Variants in PUM1 observed in about 807,000 individuals in gnomAD.
PUM1 encodes pumilio RNA binding family member 1.
PUM1 carries 13 observed loss-of-function variants against 131.8 expected under a neutral mutation model. The observed-to-expected ratio is 0.10, with a 90% confidence interval of 0.06 to 0.16. The LOEUF is 0.16. Among genes scored for constraint, PUM1 ranks in the 10% least tolerant of loss-of-function variants. The pLI is 1.00. For missense variants in PUM1, 961 were observed against 1,512.4 expected (o/e 0.64, Z 6.05); for synonymous variants, 509 against 556.5 (o/e 0.91, Z 1.20).
At chr1:30,941,404 C>T (rs1639434452) in intron 19 of PUM1, 132 bp from the exon 20 acceptor site, 1 of 896,920 alleles carries the variant, frequency 1.1e-6, no homozygotes, top group Non-Finnish European at 1.6e-6. Context: ...CTAATGAACA[C>T]ACAATTTTTA....
At chr1:30,984,691 T>C (rs1641479015) in intron 7 of PUM1, among the ~76,000 whole-genome samples, 1 of 152,160 alleles carries the variant, frequency 6.6e-6, no homozygotes, top group African/African-American at 2.4e-5. Context: ...CTTACTATAT[T>C]AAAAACAGTC....
chr1:31,012,329 T>C (rs1196353475), intron 3 of PUM1, among the ~76,000 whole-genome samples: 2 of 151,798 alleles, frequency 1.3e-5, no homozygotes, highest in Admixed American at 1.3e-4. Context: ...TAACAGTCCA[T>C]TTCAAGATCT....
At chr1:31,009,767 C>CAAAAAAAAAAAAAAAAAAAAAA (rs751375199) in intron 3 of PUM1, among the ~76,000 whole-genome samples, 1 of 54,678 alleles carries the variant, frequency 1.8e-5, no homozygotes, top group Non-Finnish European at 3.7e-5. Flanking sequence ...GACTCTGTCT[C>CAAAAAAAAAAAAAAAAAAAAAA]AAAAAAAAAA....
chr1:30,954,803 C>G (rs1640080371), intron 14 of PUM1, among the ~76,000 whole-genome samples: 1 of 152,072 alleles, frequency 6.6e-6, no homozygotes, highest in Admixed American at 6.6e-5. Context: ...TGGCTGATGT[C>G]TGTAAACCCA....
intron 3 of PUM1, among the ~76,000 whole-genome samples, chr1:31,020,359 T>C (rs1234306749): frequency 1.3e-5 from 2 of 152,240 alleles, no homozygotes; most frequent in Non-Finnish European, 2.9e-5. Context: ...GCAATAAACA[T>C]GCAAGCGCAA....
At chr1:30,946,508 G>A (rs952482832) in intron 17 of PUM1, among the ~76,000 whole-genome samples, 18 of 151,462 alleles carry the variant, frequency 1.2e-4, no homozygotes, top group Admixed American at 3.9e-4. Context: ...ATGGTGGTGC[G>A]CGCCTGTAAT....
intron 2 of PUM1, among the ~76,000 whole-genome samples, chr1:31,034,808 G>A (rs1196714020): frequency 6.6e-6 from 1 of 151,978 alleles, no homozygotes; most frequent in African/African-American, 2.4e-5. Flanking sequence ...AGGATTTTTT[G>A]CATACAGAAA....
rs567619365 is a variant in PUM1, at chr1:30,932,512, G to A, written c.*699C>T. ...CGCCCAGCCTCAAAAGACGTTCTGGGTGCTCGCATCTCCTCCTCACGAACA... is the reference window on the plus strand; with the variant it reads ...CGCCCAGCCTCAAAAGACGTTCTGGATGCTCGCATCTCCTCCTCACGAACA... On this transcript the variant is annotated 3_prime_UTR_variant, in exon 22 of 22. Transcript: ENST00000426105. 1 of 151,848 alleles carries A rather than the reference G, an allele frequency of 6.6e-6. No homozygotes were observed. The highest frequency in any genetic ancestry group is 2.1e-4 in the South Asian group (1 of 4,810). The allele number at this position is 151,848 out of a possible 1,614,324, so 9.4% of individuals were successfully genotyped here.
chr1:30,966,715 A>C (rs976022702), intron 12 of PUM1, among the ~76,000 whole-genome samples: 1 of 152,120 alleles, frequency 6.6e-6, no homozygotes, highest in African/African-American at 2.4e-5. Flanking sequence ...AAATAAATAA[A>C]TATAAACACT....
intron 2 of PUM1, among the ~76,000 whole-genome samples, chr1:31,046,670 G>A (rs1008339755): frequency 1.5e-4 from 23 of 151,626 alleles, no homozygotes; most frequent in African/African-American, 4.1e-4. Context: ...ACCACACACA[G>A]CATGTTGGTC....
intron 3 of PUM1, among the ~76,000 whole-genome samples, chr1:31,025,075 T>C (rs1271505848): frequency 6.6e-6 from 1 of 152,248 alleles, no homozygotes; most frequent in African/African-American, 2.4e-5. Flanking sequence ...GCCTTGATCC[T>C]AAGATCTTTT....
chr1:30,956,233 A>C (rs1342991452), intron 14 of PUM1, among the ~76,000 whole-genome samples: 2 of 152,206 alleles, frequency 1.3e-5, no homozygotes, highest in African/African-American at 4.8e-5. Flanking sequence ...CTGAAAAGAA[A>C]ACAGCAGTCA....
In PUM1 at chr1:30,953,796, G is replaced by A. The variant is rs1205053435; in HGVS notation, c.2509C>T (p.Arg837Ter). 6.2e-7 allele frequency: 1 copy of A among 1,614,142 alleles called. No individual in the cohort carries two copies. Among genetic ancestry groups the A allele is most frequent in the Non-Finnish European group, 8.5e-7 (1 of 1,180,006 alleles). ...SGRSRLLEDF[R>*]NNRYPNLQLR... ...TGTAAATTGGGGTACCGGTTGTTTC[G>A]AAAATCTTCCAAAAGCCTGCTCCTG... Residue 837 changes from arginine (R) to a stop codon, truncating the protein, a stop_gained, in exon 15 of 22, where the codon CGA becomes TGA. Coordinates refer to ENST00000426105, the MANE Select transcript of PUM1 (RefSeq NM_001020658.2). LOFTEE classifies it high-confidence loss of function.
chr1:31,022,834 T>G (rs1051890845), intron 3 of PUM1, among the ~76,000 whole-genome samples: 2 of 152,076 alleles, frequency 1.3e-5, no homozygotes, highest in African/African-American at 4.8e-5. Context: ...AACATAAAGT[T>G]AAGGGAACTA....
chr1:31,003,584 G>A (rs989508233), intron 5 of PUM1, among the ~76,000 whole-genome samples: 3 of 152,046 alleles, frequency 2.0e-5, no homozygotes, highest in Admixed American at 6.5e-5. Flanking sequence ...TGGGGAAACC[G>A]GATCTCTACT....
intron 7 of PUM1, among the ~76,000 whole-genome samples, chr1:30,989,666 G>A (rs1425036566): frequency 4.6e-5 from 7 of 151,438 alleles, no homozygotes; most frequent in Non-Finnish European, 8.8e-5. Context: ...TAGTTGCAGG[G>A]TTCCAAGAAT....
At chr1:31,062,552 G>C (rs941023589) in intron 1 of PUM1, among the ~76,000 whole-genome samples, 1 of 151,446 alleles carries the variant, frequency 6.6e-6, no homozygotes, top group African/African-American at 2.4e-5. Flanking sequence ...CCCAGGAGGC[G>C]GAGGTTGCAG....
intron 10 of PUM1, among the ~76,000 whole-genome samples, chr1:30,972,264 AAAAGAAGGGAAGGGAAGGGAAGG>A (rs1557562548): frequency 0.016 from 537 of 33,574 alleles, 44 homozygotes; most frequent in South Asian, 0.018. Context: ...GAAAGAAAAG[AAAAGAAGGGAAGGGAAGGGAAGG>A]GGAGGGGAGG....
At chr1:30,998,156 G>A (rs765063021) in intron 5 of PUM1, among the ~76,000 whole-genome samples, 1 of 152,154 alleles carries the variant, frequency 6.6e-6, no homozygotes, top group African/African-American at 2.4e-5. Context: ...AGAAATTCAA[G>A]ACGAACATTT....
Sources: allele counts gnomAD v4.1 joint callset (sites outside exome capture counted in the v4.1 genomes callset), GRCh38; gene constraint gnomAD v4.1.1; transcripts MANE v1.5; gene names NCBI Gene and HGNC (gene_info 2026-07-23, HGNC 2026-07-21).